The following STEAP3 variants were observed in gnomAD, a reference collection of about 807,000 sequenced individuals.
STEAP3 encodes STEAP3 metalloreductase.
STEAP3 carries 35 observed loss-of-function variants against 34.9 expected under a neutral mutation model. That is an observed-to-expected ratio of 1.00 (90% CI 0.76 to 1.33). STEAP3 has a LOEUF of 1.33. Ranked by LOEUF, STEAP3 falls within the 40% of genes most tolerant of loss-of-function variation. STEAP3 has a pLI of 0.00. For synonymous variants in STEAP3, 281 were observed against 301.6 expected (o/e 0.93, Z 0.71); for missense variants, 652 against 667.6 (o/e 0.98, Z 0.26).
At chr2:119,229,005 C>A (rs1679132664) in intron 1 of STEAP3, among the ~76,000 whole-genome samples, 2 of 152,102 alleles carry the variant, frequency 1.3e-5, no homozygotes, top group South Asian at 4.1e-4. Flanking sequence ...GATCTGGAGA[C>A]CCCCCAGCAG....
intron 3 of STEAP3, among the ~76,000 whole-genome samples, chr2:119,247,230 G>C (rs1021352940): frequency 6.6e-6 from 1 of 152,168 alleles, no homozygotes; most frequent in African/African-American, 2.4e-5. Flanking sequence ...ATCATCAAGG[G>C]GGGTGATTCT....
Position 119,245,870 on chromosome 2 carries a change from A to G in STEAP3, c.404A>G (p.His135Arg). Residue 135 changes from histidine to arginine, a missense_variant, in exon 3 of 6, where the codon CAT (histidine) becomes CGT (arginine). Physicochemically the swap from His to Arg is conservative, Grantham distance 29. Transcript: ENST00000393110. ...SNPTEQEHLQ[H>R]RESNAEYLAS... Reference sequence around the variant, plus strand: ...CCTACAGAGCAAGAGCACCTTCAGCATCGTGAGTCCAATGCTGAGTACCTG... The same window carrying G: ...CCTACAGAGCAAGAGCACCTTCAGCGTCGTGAGTCCAATGCTGAGTACCTG... The G allele has an allele frequency of 6.2e-7, 1 of 1,614,174 alleles. No individual in the cohort carries two copies. Among genetic ancestry groups the G allele is most frequent in the Non-Finnish European group, 8.5e-7 (1 of 1,180,042 alleles).
intron 4 of STEAP3, among the ~76,000 whole-genome samples, chr2:119,254,131 C>G (rs1250395939): frequency 6.6e-6 from 1 of 151,360 alleles, no homozygotes; most frequent in Non-Finnish European, 1.5e-5. Context: ...TCCAGGAAGA[C>G]AGAGGGCTCA....
Position 119,247,751 on chromosome 2 carries a change from C to T in STEAP3, c.595C>T (p.Pro199Ser). The T allele has an allele frequency of 6.2e-7, 1 of 1,601,340 alleles. No homozygotes were observed. Among genetic ancestry groups the T allele is most frequent in the Non-Finnish European group, 8.5e-7 (1 of 1,175,850 alleles). ...SEMALAMGFMPVDMGSLASAW... is the reference protein window; with the variant it reads ...SEMALAMGFMSVDMGSLASAW... The stretch of plus-strand genomic sequence containing the variant: ...GATGGCGCTCGCCATGGGCTTCATG[C>T]CCGTGGACATGGGATCCCTGGCGTC... Residue 199 changes from proline (P) to serine (S), a missense_variant, in exon 4 of 6, where the codon CCC becomes TCC. By Grantham distance (74) the Pro-to-Ser change is moderately conservative. Coordinates refer to ENST00000393110, the MANE Select transcript of STEAP3 (RefSeq NM_182915.3).
At chr2:119,248,269 C>G (rs1003170831) in intron 4 of STEAP3, 63 bp downstream of exon 4, 17 of 1,494,170 alleles carry the variant, frequency 1.1e-5, no homozygotes, top group African/African-American at 1.4e-5. Flanking sequence ...GCACCTCCCC[C>G]CCCCACCAAC....
At chr2:119,240,677 C>A (rs1263895360) in intron 2 of STEAP3, among the ~76,000 whole-genome samples, 1 of 152,192 alleles carries the variant, frequency 6.6e-6, no homozygotes, top group African/African-American at 2.4e-5. Context: ...GGGCAGAGAC[C>A]CAGAGGGGAC....
chr2:119,245,518 C>A lies in STEAP3; in HGVS notation c.52C>A (p.Pro18Thr), dbSNP rs141284145. 39 of 1,591,844 alleles carry A rather than the reference C, an allele frequency of 2.4e-5. No homozygotes were observed. In the African/African-American group the frequency reaches 4.6e-4, roughly 19 times the overall value. ...ATKMPEEMDK[P>T]LISLHLVDSD... ...CAAAATGCCAGAAGAGATGGACAAG[C>A]CACTGATCAGCCTCCACCTGGTGGA... Residue 18 changes from proline to threonine, a missense_variant, in exon 3 of 6, where the codon CCA becomes ACA. Physicochemically the swap from Pro to Thr is conservative, Grantham distance 38 (BLOSUM62 -1). Transcript: ENST00000393110.
chr2:119,260,810 T>A (rs188962291), intron 5 of STEAP3, among the ~76,000 whole-genome samples: 17 of 152,284 alleles, frequency 1.1e-4, no homozygotes, highest in Admixed American at 1.1e-3. Context: ...ATGATAGGAA[T>A]TCACTGTGGG....
Position 119,263,521 on chromosome 2 carries a change from A to ATCATTC in STEAP3, c.*184_*185insCATTCT. The ATCATTC allele has an allele frequency of 1.3e-6, 1 of 759,404 alleles. No individual in the cohort carries two copies. Among genetic ancestry groups the ATCATTC allele is most frequent in the Non-Finnish European group, 2.2e-6 (1 of 454,300 alleles). The allele number at this position is 759,404 out of a possible 1,614,324, so 47.0% of individuals were successfully genotyped here. The stretch of plus-strand genomic sequence containing the variant: ...GAATGATATACACACATATGTGTAT[A>ATCATTC]TGTATTTACATATATTCCACATATA... On this transcript the variant is annotated 3_prime_UTR_variant, in exon 6 of 6. Transcript: ENST00000393110.
intron 2 of STEAP3, among the ~76,000 whole-genome samples, chr2:119,239,798 G>C (rs936831761): frequency 1.3e-5 from 2 of 152,200 alleles, no homozygotes; most frequent in African/African-American, 4.8e-5. Context: ...AAGGTCTCCA[G>C]GGTGTGTGTG....
In STEAP3 at chr2:119,263,430, A is replaced by C. The variant is rs1420015630; in HGVS notation, c.*92A>C. The stretch of plus-strand genomic sequence containing the variant: ...TTTTCTTGGTGGTGCAAAGTGGTAT[A>C]ACTGTGTGCAAATAGGAGGTTTGAG... On this transcript the variant is annotated 3_prime_UTR_variant, in exon 6 of 6. Transcript: ENST00000393110. 6.5e-7 allele frequency: 1 copy of C among 1,529,056 alleles called. No homozygotes were observed. Among genetic ancestry groups the C allele is most frequent in the African/African-American group, 1.4e-5 (1 of 72,858 alleles). The allele number at this position is 1,529,056 out of a possible 1,614,324, so 94.7% of individuals were successfully genotyped here. A position where few individuals can be genotyped will look rare whatever the true frequency, so the allele number is the denominator to read the frequency against.
At chr2:119,238,892 G>C (rs1677162744) in intron 2 of STEAP3, among the ~76,000 whole-genome samples, 1 of 152,190 alleles carries the variant, frequency 6.6e-6, no homozygotes, top group Non-Finnish European at 1.5e-5. Flanking sequence ...AACCTCTACA[G>C]TGTGCCAGGC....
intron 1 of STEAP3, among the ~76,000 whole-genome samples, chr2:119,229,410 A>C (rs1679146795): frequency 6.6e-6 from 1 of 152,196 alleles, no homozygotes; most frequent in African/African-American, 2.4e-5. Context: ...CTGACCATAG[A>C]GCACCCAGAG....
chr2:119,234,998 G>A (rs1015708086), intron 2 of STEAP3, among the ~76,000 whole-genome samples: 5 of 152,192 alleles, frequency 3.3e-5, no homozygotes, highest in African/African-American at 1.2e-4. Context: ...AGAGATTCCT[G>A]GATGGCAGGC....
Position 119,248,091 on chromosome 2 carries a change from G to A in STEAP3, c.935G>A (p.Arg312His), listed in dbSNP as rs755328857. Residue 312 changes from arginine to histidine, a missense_variant, in exon 4 of 6, where the codon CGC becomes CAC. Arg to His is a conservative substitution (Grantham distance 29). Transcript: ENST00000393110. ...PDWLDHWLQH[R>H]KQIGLLSFFC... ...TGGCTGGACCACTGGCTACAGCACC[G>A]CAAGCAGATCGGGCTGCTCAGCTTC... is the stretch of plus-strand genomic sequence containing the variant. 9 of 1,608,210 alleles carry A rather than the reference G, an allele frequency of 5.6e-6. No individual in the cohort carries two copies. The highest frequency in any genetic ancestry group is 1.3e-5 in the African/African-American group (1 of 74,912).
chr2:119,247,706 GC>G lies in STEAP3; in HGVS notation c.552del (p.Lys185SerfsTer202). 2 of 1,548,374 alleles carry G rather than the reference GC, an allele frequency of 1.3e-6. No homozygotes were observed. On this transcript the variant is annotated frameshift_variant, in exon 4 of 6. Transcript: ENST00000393110. LOFTEE classifies it high-confidence loss of function. ...GCCCATCTGCGGTGACCAGCCAGAA[GC>G]CAAGCGTGCTGTCTCGGAGATGGCG... ...QVPICGDQPE[A>X]KRAVSEMALA...
At chr2:119,248,270 C>A in intron 4 of STEAP3, 64 bp downstream of exon 4, 6 of 1,494,436 alleles carry the variant, frequency 4.0e-6, no homozygotes, top group South Asian at 2.6e-5. Flanking sequence ...CACCTCCCCC[C>A]CCCACCAACC....
chr2:119,258,874 G>C (rs186064069), intron 5 of STEAP3, among the ~76,000 whole-genome samples: 1 of 150,156 alleles, frequency 6.7e-6, no homozygotes, highest in Non-Finnish European at 1.5e-5. Flanking sequence ...CGCCTGCCTC[G>C]GCCTTCCAAA....
Position 119,223,874 on chromosome 2 carries a change from C to CT in STEAP3, c.-408_-407insT. ...CTTCAGCTGCCGCGGTCGCTCCGAG[C>CT]GGCGGGCCGCAGAGGTGAGTGTACC... On this transcript the variant is annotated 5_prime_UTR_variant, in exon 1 of 6. Transcript: ENST00000393110. 6.6e-6 allele frequency: 1 copy of CT among 152,332 alleles called. No individual in the cohort carries two copies. Among genetic ancestry groups the CT allele is most frequent in the South Asian group, 2.1e-4 (1 of 4,834 alleles). The allele number at this position is 152,332 out of a possible 1,614,324, so 9.4% of individuals were successfully genotyped here.
Sources: gnomAD v4.1 joint callset for allele counts (sites outside exome capture counted in the v4.1 genomes callset) on GRCh38, gnomAD v4.1.1 for gene constraint, MANE v1.5 for transcripts, NCBI Gene and HGNC (gene_info 2026-07-23, HGNC 2026-07-21) for gene names.